The following MYO1B variants were observed in gnomAD, a reference collection of about 807,000 sequenced individuals.
The protein encoded by MYO1B is myosin IB.
In MYO1B, 72 loss-of-function variants were observed where a neutral mutation model predicts 159.7. The observed-to-expected ratio is 0.45, with a 90% CI of 0.37 to 0.55. MYO1B has a LOEUF of 0.55. Ranked by LOEUF, MYO1B falls within the 20% of genes least tolerant of loss-of-function variation. The probability of loss-of-function intolerance (pLI) is 0.00; values close to 1 mark genes in which losing one functional copy is unlikely to be tolerated. For missense variants in MYO1B, 1,062 were observed against 1,364.8 expected (o/e 0.78, Z 3.50); for synonymous variants, 468 against 473.8 (o/e 0.99, Z 0.16).
At chr2:191,384,777 A>G (rs1343770752) in intron 15 of MYO1B, among the ~76,000 whole-genome samples, 1 of 152,202 alleles carries the variant, frequency 6.6e-6, no homozygotes, top group Non-Finnish European at 1.5e-5. Context: ...GTGGTAATAC[A>G]CTTAATTTAA....
intron 13 of MYO1B, among the ~76,000 whole-genome samples, chr2:191,375,255 C>T (rs1694623668): frequency 6.6e-6 from 1 of 152,130 alleles, no homozygotes. Flanking sequence ...AATACTTGGG[C>T]AAGAGTCATT....
chr2:191,276,108 TGTTATA>T (rs1383472191), intron 1 of MYO1B, among the ~76,000 whole-genome samples: 1 of 152,234 alleles, frequency 6.6e-6, no homozygotes, highest in Non-Finnish European at 1.5e-5. Context: ...TTGATTCTGC[TGTTATA>T]GTGGCATGTC....
intron 3 of MYO1B, among the ~76,000 whole-genome samples, chr2:191,308,470 C>T (rs537417783): frequency 6.6e-6 from 1 of 152,284 alleles, no homozygotes; most frequent in African/African-American, 2.4e-5. Flanking sequence ...AACAGTTCAA[C>T]TCAATAAACA....
intron 2 of MYO1B, among the ~76,000 whole-genome samples, chr2:191,292,380 C>T (rs1688735307): frequency 6.6e-6 from 1 of 152,140 alleles, no homozygotes; most frequent in Admixed American, 6.5e-5. Flanking sequence ...TTTAGGCAGA[C>T]ATGAGACTTC....
chr2:191,414,731 A>G (rs1574648552), intron 29 of MYO1B, 62 bp downstream of exon 29: 3 of 1,541,788 alleles, frequency 1.9e-6, no homozygotes, highest in Middle Eastern at 3.4e-4. Flanking sequence ...AAAAATTTCC[A>G]TATCTGATAA....
intron 7 of MYO1B, among the ~76,000 whole-genome samples, chr2:191,358,911 C>T (rs1401854899): frequency 6.6e-6 from 1 of 152,230 alleles, no homozygotes; most frequent in African/African-American, 2.4e-5. Context: ...CTTCCCAAAT[C>T]GCTGGCACAT....
chr2:191,362,679 A>G (rs1360153923), intron 9 of MYO1B, among the ~76,000 whole-genome samples: 1 of 152,186 alleles, frequency 6.6e-6, no homozygotes, highest in Non-Finnish European at 1.5e-5. Context: ...TTATGGCAAA[A>G]GTTAATTTCC....
At chr2:191,400,300 A>G in intron 21 of MYO1B, 82 bp from the exon 22 acceptor site, 3 of 1,447,292 alleles carry the variant, frequency 2.1e-6, no homozygotes, top group East Asian at 4.6e-5. Context: ...TAGGACGATC[A>G]TCTCTTCAGG....
chr2:191,279,358 A>G (rs1483746237), intron 2 of MYO1B, among the ~76,000 whole-genome samples: 1 of 151,686 alleles, frequency 6.6e-6, no homozygotes, highest in Non-Finnish European at 1.5e-5. Flanking sequence ...GGGTTTACGA[A>G]TATGTACATA....
At chr2:191,310,477 A>G (rs1277918311) in intron 3 of MYO1B, among the ~76,000 whole-genome samples, 4 of 152,254 alleles carry the variant, frequency 2.6e-5, no homozygotes, top group African/African-American at 9.6e-5. Context: ...TGCTGGGATT[A>G]CAGGCATGAG....
intron 3 of MYO1B, among the ~76,000 whole-genome samples, chr2:191,297,292 T>TA (rs1689041161): frequency 1.3e-5 from 2 of 152,328 alleles, no homozygotes; most frequent in South Asian, 4.1e-4. Context: ...TTCACGTACT[T>TA]ATGATTGTCA....
chr2:191,245,467 C>T lies in MYO1B; in HGVS notation c.-169C>T, dbSNP rs1029250458. 3.3e-5 allele frequency: 5 copies of T among 152,148 alleles called. No individual in the cohort carries two copies. The highest frequency in any genetic ancestry group is 2.6e-4 in the Admixed American group (4 of 15,280). The allele number at this position is 152,148 out of a possible 1,614,324, so 9.4% of individuals were successfully genotyped here. On this transcript the variant is annotated 5_prime_UTR_variant, in exon 1 of 31. Coordinates refer to ENST00000392318, the MANE Select transcript of MYO1B (RefSeq NM_001130158.3). Reference sequence around the variant, plus strand: ...GCGGCGCGTGGAGGCAGTACCAGAGCGCGCGGCGCGCAGTCGGCCGGCAGC... The same window carrying T: ...GCGGCGCGTGGAGGCAGTACCAGAGTGCGCGGCGCGCAGTCGGCCGGCAGC...
chr2:191,341,052 G>GA (rs1468176083), intron 4 of MYO1B, among the ~76,000 whole-genome samples: 1 of 152,038 alleles, frequency 6.6e-6, no homozygotes, highest in Non-Finnish European at 1.5e-5. Context: ...TTGTGATTTG[G>GA]AACATATCTT....
intron 4 of MYO1B, among the ~76,000 whole-genome samples, chr2:191,340,259 AG>A (rs1185288575): frequency 1.3e-5 from 2 of 152,002 alleles, no homozygotes; most frequent in African/African-American, 4.8e-5. Flanking sequence ...ATCCTTTTTT[AG>A]AGTTCAGCAG....
chr2:191,409,860 T>A (rs1403273276), intron 26 of MYO1B, among the ~76,000 whole-genome samples: 1 of 152,228 alleles, frequency 6.6e-6, no homozygotes, highest in African/African-American at 2.4e-5. Context: ...ATGTGGAATG[T>A]TAAATATATG....
intron 13 of MYO1B, chr2:191,377,814 A>G (rs1694801886): frequency 1.3e-5 from 2 of 152,028 alleles, no homozygotes; most frequent in Non-Finnish European, 2.9e-5. Flanking sequence ...GAACAATGCC[A>G]TCAACTTCAG....
chr2:191,356,488 A>T (rs1204693440), intron 7 of MYO1B, among the ~76,000 whole-genome samples: 1 of 152,134 alleles, frequency 6.6e-6, no homozygotes, highest in Non-Finnish European at 1.5e-5. Flanking sequence ...GGGTGGCTTT[A>T]TATGAAAGTA....
rs1199954949 is a variant in MYO1B at position 191,330,019 on chromosome 2, A to G, written c.336A>G (p.Ala112=). ...TTCTCATTACTGGGGAAAGTGGAGC[A>G]GGAAAAACAGGTAAGGCTCCTACCA... is the stretch of plus-strand genomic sequence containing the variant. ...QCILITGESG[A]GKTEASKLVM... is the part of the protein sequence containing the mutation. The change falls in exon 4 of 31, where the codon GCA becomes GCG. Residue 112 remains alanine, a synonymous_variant. Transcript: ENST00000392318. The G allele has an allele frequency of 6.2e-7, 1 of 1,611,720 alleles. No homozygotes were observed. Among genetic ancestry groups the G allele is most frequent in the East Asian group, 2.2e-5 (1 of 44,776 alleles).
At chr2:191,348,908 C>T (rs190176987) in intron 6 of MYO1B, among the ~76,000 whole-genome samples, 63 of 152,348 alleles carry the variant, frequency 4.1e-4, no homozygotes, top group Non-Finnish European at 7.8e-4. Context: ...CCCTCTCCAG[C>T]CTTGTTTCCC....
Sources: allele counts gnomAD v4.1 joint callset (sites outside exome capture counted in the v4.1 genomes callset), GRCh38; gene constraint gnomAD v4.1.1; transcripts MANE v1.5; gene names NCBI Gene and HGNC (gene_info 2026-07-23, HGNC 2026-07-21).